Variants in TMEM65 observed in about 807,000 individuals in gnomAD.
TMEM65 encodes the protein transmembrane protein 65.
A neutral mutation model predicts 25.4 loss-of-function variants in TMEM65; 22 were observed. The observed-to-expected ratio is 0.86, with a 90% confidence interval of 0.62 to 1.23. The LOEUF (loss-of-function observed/expected upper bound fraction) is 1.23. TMEM65 is among the 50% of genes most tolerant of loss of function. TMEM65 has a pLI of 0.00. For synonymous variants in TMEM65, 132 were observed against 126.2 expected, an observed-to-expected ratio of 1.05 and a Z score of -0.31; for missense variants, 262 against 308.2, an observed-to-expected ratio of 0.85 and a Z score of 1.12.
Position 124,369,934 on chromosome 8 carries a change from AGAG to A in TMEM65, c.304+1917_304+1919del, listed in dbSNP as rs534947113. On this transcript the variant is annotated intron_variant, in intron 1 of 6. Coordinates refer to ENST00000297632, the MANE Select transcript of TMEM65 (RefSeq NM_194291.3). ...AACTTTGATGTTCTTTAGCATATAA[AGAG>A]GAGAGATAAGCATCTGACTAACCAT... Among the ~76,000 whole-genome samples the A allele has an allele frequency of 9.5e-3, 1,440 of 152,216 alleles. 31 individuals are homozygous for A. The highest frequency in any genetic ancestry group is 0.017 in the Middle Eastern group (5 of 294).
rs916209901 is a variant in TMEM65 at position 124,311,352 on chromosome 8, T to C, written c.*2608A>G. The stretch of plus-strand genomic sequence containing the variant: ...ATATACCAAGGCCCTCTGAGATTAG[T>C]AAGAAATCAAATTTCAAAATCAAAA... On this transcript the variant is annotated 3_prime_UTR_variant, in exon 7 of 7. Transcript: ENST00000297632. The C allele has an allele frequency of 6.6e-5, 10 of 152,668 alleles. No individual in the cohort carries two copies. Among genetic ancestry groups the C allele is most frequent in the African/African-American group, 2.2e-4 (9 of 41,464 alleles). The allele number at this position is 152,668 out of a possible 1,614,324, so 9.5% of individuals were successfully genotyped here.
In TMEM65 at chr8:124,313,985, T is replaced by C; in HGVS notation, c.698A>G (p.Asp233Gly). The change falls in exon 7 of 7, where the codon GAT becomes GGT. Residue 233 changes from aspartate (D) to glycine (G), a missense_variant. Asp to Gly is a moderately conservative substitution (Grantham distance 94). Transcript: ENST00000297632. ...TTAACTTTTCGTTTCCAGTTTTTCA[T>C]CTTCTTCACCTCCTCCAAAGAAAAT... ...PLIFFGGGEEDEKLETKS is the reference protein window; with the variant it reads ...PLIFFGGGEEGEKLETKS 1 of 1,613,498 alleles carries C rather than the reference T, an allele frequency of 6.2e-7. No individual in the cohort carries two copies. The highest frequency in any genetic ancestry group is 1.1e-5 in the South Asian group (1 of 91,038).
chr8:124,327,430 C>T lies in TMEM65; in HGVS notation c.350-9G>A. 2 of 1,562,752 alleles carry T rather than the reference C, an allele frequency of 1.3e-6. No individual in the cohort carries two copies. The highest frequency in any genetic ancestry group is 1.7e-6 in the Non-Finnish European group (2 of 1,152,316). On this transcript the variant is annotated splice_polypyrimidine_tract_variant and intron_variant, in intron 2 of 6. Transcript: ENST00000297632. ...CGCATTGTGGATGAATACTGAAAAA[C>T]ATCAAAAACAGAAAAATATATTTTA... is the stretch of plus-strand genomic sequence containing the variant.
In TMEM65 at chr8:124,306,703, C is replaced by G. The variant is rs1814095597; in HGVS notation, c.*7257G>C. The G allele has an allele frequency of 6.6e-6, 1 of 152,184 alleles. No homozygotes were observed. The highest frequency in any genetic ancestry group is 6.5e-5 in the Admixed American group (1 of 15,282). The allele number at this position is 152,184 out of a possible 1,614,324, so 9.4% of individuals were successfully genotyped here. ...GTGGCTCACGCCTGTAATCCCAACACTTCAGGAGGCCGAGGCAGGCGGATC... is the reference window on the plus strand; with the variant it reads ...GTGGCTCACGCCTGTAATCCCAACAGTTCAGGAGGCCGAGGCAGGCGGATC... On this transcript the variant is annotated 3_prime_UTR_variant, in exon 7 of 7. Transcript: ENST00000297632.
intron 1 of TMEM65, among the ~76,000 whole-genome samples, chr8:124,350,665 C>T (rs73332190): frequency 0.08 from 12,220 of 152,074 alleles, 541 homozygotes; most frequent in African/African-American, 0.13. Context: ...GAAGTTTAGT[C>T]ATTGTACTTA....
chr8:124,315,264 A>T (rs1050290726), intron 6 of TMEM65, among the ~76,000 whole-genome samples: 3 of 152,124 alleles, frequency 2.0e-5, no homozygotes, highest in African/African-American at 7.2e-5. Context: ...TTTAGTCTTG[A>T]ATGAAATGTT....
chr8:124,343,082 G>T (rs1344824417), intron 1 of TMEM65, among the ~76,000 whole-genome samples: 1 of 152,040 alleles, frequency 6.6e-6, no homozygotes, highest in Non-Finnish European at 1.5e-5. Context: ...ATTAAATAAG[G>T]TATTACAAAC....
At chr8:124,362,539 G>A (rs1349803076) in intron 1 of TMEM65, among the ~76,000 whole-genome samples, 2 of 151,480 alleles carry the variant, frequency 1.3e-5, no homozygotes, top group Admixed American at 1.3e-4. Flanking sequence ...GTGTACGCCT[G>A]TAGTACCAGC....
chr8:124,327,314 T>C (rs1814376241), intron 3 of TMEM65, 40 bp downstream of exon 3: 2 of 1,385,118 alleles, frequency 1.4e-6, no homozygotes, highest in East Asian at 4.7e-5. Context: ...CCACATTAAT[T>C]TATGAACTCA....
Position 124,311,668 on chromosome 8 carries a change from G to A in TMEM65, c.*2292C>T, listed in dbSNP as rs921247784. 4 of 152,170 alleles carry A rather than the reference G, an allele frequency of 2.6e-5. No homozygotes were observed. Among genetic ancestry groups the A allele is most frequent in the African/African-American group, 7.2e-5 (3 of 41,420 alleles). 9.4% of individuals were successfully genotyped at this position (152,170 alleles called of 1,614,324 possible). Reference sequence around the variant, plus strand: ...TTTGTGGCAAGTAACATGAAACAATGATCATATGAAGTCATTATCTTAAAA... The same window carrying A: ...TTTGTGGCAAGTAACATGAAACAATAATCATATGAAGTCATTATCTTAAAA... On this transcript the variant is annotated 3_prime_UTR_variant, in exon 7 of 7. Coordinates refer to ENST00000297632, the MANE Select transcript of TMEM65 (RefSeq NM_194291.3).
chr8:124,325,658 C>T (rs1229144935), intron 3 of TMEM65, among the ~76,000 whole-genome samples: 1 of 151,958 alleles, frequency 6.6e-6, no homozygotes, highest in Non-Finnish European at 1.5e-5. Flanking sequence ...TGGAGTCAGC[C>T]ATCTCAGGCC....
intron 6 of TMEM65, among the ~76,000 whole-genome samples, chr8:124,317,671 C>T (rs1814255007): frequency 6.6e-6 from 1 of 152,188 alleles, no homozygotes; most frequent in Non-Finnish European, 1.5e-5. Flanking sequence ...TGCATAATCT[C>T]CTCCCCTTGA....
At chr8:124,348,217 G>T (rs1232973432) in intron 1 of TMEM65, among the ~76,000 whole-genome samples, 13 of 151,900 alleles carry the variant, frequency 8.6e-5, no homozygotes, top group Admixed American at 8.5e-4. Flanking sequence ...AAAGTGCTGG[G>T]ATTACAGGCG....
At chr8:124,357,732 G>T (rs1814802152) in intron 1 of TMEM65, among the ~76,000 whole-genome samples, 1 of 151,522 alleles carries the variant, frequency 6.6e-6, no homozygotes, top group African/African-American at 2.4e-5. Context: ...TTAAAATCCT[G>T]GATATAAGTA....
In TMEM65 at chr8:124,372,662, A is replaced by AGCCGCCGCCGCCGCC. The variant is rs57541664; in HGVS notation, c.-520_-506dup. ...CAAAGCAGCCGCGCTCCCGAGCCGC[A>AGCCGCCGCCGCCGCC]GCCGCCGCCGCCGCCGCTACCCCTA... On this transcript the variant is annotated 5_prime_UTR_variant, in exon 1 of 7. Transcript: ENST00000297632. 8.7e-5 allele frequency: 14 copies of AGCCGCCGCCGCCGCC among 160,918 alleles called. No homozygotes were observed. The highest frequency in any genetic ancestry group is 2.2e-4 in the African/African-American group (9 of 41,272). 10.0% of individuals were successfully genotyped at this position (160,918 alleles called of 1,614,324 possible). A position where few individuals can be genotyped will look rare whatever the true frequency, so the allele number is the denominator to read the frequency against.
At chr8:124,351,156 CAAAA>C (rs1176739198) in intron 1 of TMEM65, 1 of 952,966 alleles carries the variant, frequency 1.0e-6, no homozygotes, top group Non-Finnish European at 1.2e-6. Context: ...ATGCATGCAA[CAAAA>C]TAAATAATAT....
In TMEM65 at chr8:124,310,289, T is replaced by A. The variant is rs1435636293; in HGVS notation, c.*3671A>T. On this transcript the variant is annotated 3_prime_UTR_variant, in exon 7 of 7. Transcript: ENST00000297632. ...GAACATCCTAGCACATAGTATGTAA[T>A]AAAGAACACAAGATTTCTTAAATGA... is the stretch of plus-strand genomic sequence containing the variant. 6.6e-6 allele frequency: 1 copy of A among 152,182 alleles called. No homozygotes were observed. Among genetic ancestry groups the A allele is most frequent in the Non-Finnish European group, 1.5e-5 (1 of 68,024 alleles). 9.4% of individuals were successfully genotyped at this position (152,182 alleles called of 1,614,324 possible).
chr8:124,372,231 C>T lies in TMEM65; in HGVS notation c.-74G>A. The T allele has an allele frequency of 1.7e-6, 2 of 1,198,368 alleles. No homozygotes were observed. Among genetic ancestry groups the T allele is most frequent in the African/African-American group, 3.4e-5 (2 of 59,642 alleles). The allele number at this position is 1,198,368 out of a possible 1,614,324, so 74.2% of individuals were successfully genotyped here. A position where few individuals can be genotyped will look rare whatever the true frequency, so the allele number is the denominator to read the frequency against. Reference sequence around the variant, plus strand: ...CTGGCGCGGCTGAGGCGAGAAGGAGCTGGGCTCAGCTCGACCCCGCCCCGA... The same window carrying T: ...CTGGCGCGGCTGAGGCGAGAAGGAGTTGGGCTCAGCTCGACCCCGCCCCGA... On this transcript the variant is annotated 5_prime_UTR_variant, in exon 1 of 7. Transcript: ENST00000297632.
intron 1 of TMEM65, among the ~76,000 whole-genome samples, chr8:124,339,222 A>AAAAATATATATAT (rs1563594368): frequency 5.0e-5 from 1 of 19,904 alleles, no homozygotes; most frequent in African/African-American, 2.6e-4. Flanking sequence ...AAAAAAAAAA[A>AAAAATATATATAT]ATATATATAT....
Sources: allele counts gnomAD v4.1 joint callset (sites outside exome capture counted in the v4.1 genomes callset), GRCh38; gene constraint gnomAD v4.1.1; transcripts MANE v1.5; gene names NCBI Gene and HGNC (gene_info 2026-07-23, HGNC 2026-07-21).